The following IL1RN variants were observed in gnomAD, a reference collection of about 807,000 sequenced individuals.
IL1RN encodes the protein interleukin 1 receptor antagonist.
IL1RN carries 10 observed loss-of-function variants against 13.7 expected under a neutral mutation model. That is an observed-to-expected ratio of 0.73 (90% CI 0.45 to 1.24). IL1RN has a LOEUF of 1.24. IL1RN is among the 50% of genes most tolerant of loss of function. IL1RN has a pLI of 0.00. For synonymous variants in IL1RN, 102 were observed against 82.7 expected, an observed-to-expected ratio of 1.23 and a Z score of -1.27; for missense variants, 213 against 222.1, an observed-to-expected ratio of 0.96 and a Z score of 0.26.
intron 3 of IL1RN, 73 bp from the exon 4 acceptor site, chr2:113,132,583 C>A (rs879030919): frequency 2.2e-6 from 3 of 1,365,268 alleles, no homozygotes; most frequent in Non-Finnish European, 3.1e-6. Context: ...CATTTCATGG[C>A]GTGGAGTGGA....
chr2:113,111,846 G>A (rs539413515), intron 1 of IL1RN, among the ~76,000 whole-genome samples: 2 of 152,374 alleles, frequency 1.3e-5, no homozygotes, highest in Admixed American at 6.5e-5. Context: ...ACTTGCAGAG[G>A]CAAAGAGGCC....
At chr2:113,128,471 C>T (rs1687044400) in intron 1 of IL1RN, among the ~76,000 whole-genome samples, 1 of 152,038 alleles carries the variant, frequency 6.6e-6, no homozygotes, top group Admixed American at 6.5e-5. Flanking sequence ...GGCTGCAAGT[C>T]GGGCTCTGTG....
At chr2:113,132,529 G>T in intron 3 of IL1RN, 127 bp from the exon 4 acceptor site, 1 of 807,206 alleles carries the variant, frequency 1.2e-6, no homozygotes, top group Non-Finnish European at 2.1e-6. Context: ...GGGCTTTTAG[G>T]GTATGGCATT....
chr2:113,122,878 C>T (rs796888104), upstream of IL1RN, among the ~76,000 whole-genome samples: 19 of 152,288 alleles, frequency 1.2e-4, 1 homozygote, highest in African/African-American at 4.6e-4. Flanking sequence ...GTAATCCCAG[C>T]ACTTTGGGAG....
intron 1 of IL1RN, among the ~76,000 whole-genome samples, chr2:113,112,482 G>A (rs1686518092): frequency 6.6e-6 from 1 of 152,208 alleles, no homozygotes; most frequent in Non-Finnish European, 1.5e-5. Flanking sequence ...TGAGGCCCTT[G>A]ATAAGGTAAA....
intron 2 of IL1RN, chr2:113,129,880 G>T (rs45521234): frequency 7.1e-6 from 4 of 559,944 alleles, no homozygotes; most frequent in East Asian, 3.2e-5. Context: ...CTAGGTCAGA[G>T]GTCAGTGCCT....
upstream of IL1RN, among the ~76,000 whole-genome samples, chr2:113,114,707 G>C (rs1313094277): frequency 6.6e-6 from 1 of 152,020 alleles, no homozygotes; most frequent in East Asian, 1.9e-4. Context: ...ATGAGAATAT[G>C]AGTGGTGGTT....
At chr2:113,125,481 CT>C (rs2104447990), upstream of IL1RN, among the ~76,000 whole-genome samples, 1 of 152,324 alleles carries the variant, frequency 6.6e-6, no homozygotes, top group East Asian at 1.9e-4. Flanking sequence ...GCCATTTTGC[CT>C]GAAAAAATCC....
At chr2:113,128,518 G>A (rs1687046239) in intron 1 of IL1RN, among the ~76,000 whole-genome samples, 2 of 151,966 alleles carry the variant, frequency 1.3e-5, no homozygotes, top group Admixed American at 6.6e-5. Context: ...TCCAGATATG[G>A]GGACTGTCTG....
In IL1RN at chr2:113,118,040, C is replaced by A. The variant is rs767892518; in HGVS notation, c.10+12C>A. 4.8e-5 allele frequency: 77 copies of A among 1,610,988 alleles called. No homozygotes were observed. Among genetic ancestry groups the A allele is most frequent in the Non-Finnish European group, 6.5e-5 (77 of 1,177,186 alleles). On this transcript the variant is annotated intron_variant, in intron 1 of 5. Coordinates refer to the IL1RN transcript ENST00000259206. ...CCCCATGGCTTTAGGTAAGCTCCTT[C>A]CACTCTCATTTTTTCACCTGAGAAA... is the stretch of plus-strand genomic sequence containing the variant.
At position 113,133,813 on chromosome 2, in the gene IL1RN, GCCTCTGCCTGTCT is replaced by G. The variant is rs1687257271; in HGVS notation, c.*945_*957del. The stretch of plus-strand genomic sequence containing the variant: ...GGAGACTTGTATGAAAGATGGCTGT[GCCTCTGCCTGTCT>G]CCCCCACCGGGCTGGGAGCTCTGCA... On this transcript the variant is annotated 3_prime_UTR_variant, in exon 4 of 4. Coordinates refer to ENST00000409930, the MANE Select transcript of IL1RN (RefSeq NM_173842.3). The G allele has an allele frequency of 6.5e-6, 1 of 152,840 alleles. No homozygotes were observed. Among genetic ancestry groups the G allele is most frequent in the Non-Finnish European group, 1.5e-5 (1 of 68,180 alleles). The allele number at this position is 152,840 out of a possible 1,614,324, so 9.5% of individuals were successfully genotyped here.
chr2:113,101,380 A>T, the IL1RN span, among the ~76,000 whole-genome samples: 1 of 152,360 alleles, frequency 6.6e-6, no homozygotes, highest in South Asian at 2.1e-4. Flanking sequence ...CCGACATTCA[A>T]TGATATTTTA....
chr2:113,099,636 C>T, the IL1RN span, among the ~76,000 whole-genome samples: 1 of 151,278 alleles, frequency 6.6e-6, no homozygotes, highest in Non-Finnish European at 1.5e-5. Context: ...CGATGTGGGT[C>T]TCCATACACT....
intron 2 of IL1RN, among the ~76,000 whole-genome samples, chr2:113,121,086 CTT>C (rs775756774): frequency 0.19 from 28,506 of 147,342 alleles, 2,941 homozygotes; most frequent in Non-Finnish European, 0.22. Context: ...TCTTCTTCTT[CTT>C]CTTCTTCCTC....
rs770976676 is a variant in IL1RN at position 113,120,083 on chromosome 2, G to C, written c.28G>C (p.Gly10Arg). Residue 10 changes from glycine (G) to arginine (R), a missense_variant, in exon 2 of 6, where the codon GGA (glycine) becomes CGA (arginine). Coordinates refer to the IL1RN transcript ENST00000259206. ...CCTTACAGCTGACTTGTATGAAGAA[G>C]GAGGTGGAGGAGGAGGAGAAGGTGA... 9 of 1,613,246 alleles carry C rather than the reference G, an allele frequency of 5.6e-6. No homozygotes were observed. In the Admixed American group the frequency reaches 8.3e-5, roughly 15 times the overall value.
chr2:113,102,907 A>T (rs541544831), upstream of IL1RN, among the ~76,000 whole-genome samples: 1 of 152,336 alleles, frequency 6.6e-6, no homozygotes, highest in South Asian at 2.1e-4. Context: ...CTGGATGTAT[A>T]TGTGCAGGTC....
chr2:113,120,314 T>A (rs558065852), intron 2 of IL1RN, among the ~76,000 whole-genome samples: 1 of 152,142 alleles, frequency 6.6e-6, no homozygotes, highest in African/African-American at 2.4e-5. Flanking sequence ...CTCACTAAGG[T>A]TTTTGAATAC....
intron 1 of IL1RN, among the ~76,000 whole-genome samples, chr2:113,112,589 A>G (rs935172594): frequency 5.3e-5 from 8 of 152,068 alleles, no homozygotes; most frequent in African/African-American, 1.9e-4. Context: ...TGACTTACTT[A>G]TAATTGCCTG....
At chr2:113,103,397 A>G (rs1257210242), upstream of IL1RN, among the ~76,000 whole-genome samples, 1 of 152,264 alleles carries the variant, frequency 6.6e-6, no homozygotes, top group Non-Finnish European at 1.5e-5. Flanking sequence ...GTTGTGTCCA[A>G]TGTAAGAACA....
Sources: gnomAD v4.1 joint callset for allele counts (sites outside exome capture counted in the v4.1 genomes callset) on GRCh38, gnomAD v4.1.1 for gene constraint, MANE v1.5 for transcripts, NCBI Gene and HGNC (gene_info 2026-07-23, HGNC 2026-07-21) for gene names.